GDPD5: variants seen among roughly 807,000 people sequenced by gnomAD.
GDPD5 encodes the protein glycerophosphodiester phosphodiesterase domain containing 5.
A neutral mutation model predicts 75.1 loss-of-function variants in GDPD5; 48 were observed. The ratio of observed to expected loss-of-function variants is 0.64; its 90% CI spans 0.51 to 0.81. The LOEUF is 0.81. GDPD5 is among the 40% of genes least tolerant of loss of function. GDPD5 has a pLI of 0.00. For synonymous variants in GDPD5, 336 were observed against 339.0 expected, an observed-to-expected ratio of 0.99 and a Z score of 0.10; for missense variants, 706 against 822.6, an observed-to-expected ratio of 0.86 and a Z score of 1.73.
chr11:75,454,750 T>C (rs1334981084), intron 6 of GDPD5, among the ~76,000 whole-genome samples: 1 of 152,256 alleles, frequency 6.6e-6, no homozygotes, highest in Admixed American at 6.5e-5. Context: ...GAAATGCATA[T>C]GTACATGTGC....
chr11:75,508,139 T>C (rs1439654744), intron 1 of GDPD5: 4 of 152,234 alleles, frequency 2.6e-5, no homozygotes, highest in Admixed American at 2.6e-4. Context: ...TGGCTTTACA[T>C]GGTCCCAGGG....
chr11:75,444,094 G>T (rs474056), intron 10 of GDPD5, among the ~76,000 whole-genome samples: 1 of 151,968 alleles, frequency 6.6e-6, no homozygotes, highest in Non-Finnish European at 1.5e-5. Context: ...ATTTTAAAAC[G>T]TAACTGGAGT....
chr11:75,520,013 A>G lies in GDPD5; in HGVS notation c.-145+5197T>C, dbSNP rs900277049. Among the ~76,000 whole-genome samples the G allele has an allele frequency of 3.3e-5, 5 of 152,310 alleles. No individual in the cohort carries two copies. The South Asian group carries it at 1.0e-3, about 32-fold the overall frequency. ...GCCTGAGAAGAAAACCCAAGTCCCCAGATATCCCAGTCCTGCTCCCTCCCC... is the reference window on the plus strand; with the variant it reads ...GCCTGAGAAGAAAACCCAAGTCCCCGGATATCCCAGTCCTGCTCCCTCCCC... On this transcript the variant is annotated intron_variant, in intron 1 of 16. Transcript: ENST00000336898.
chr11:75,449,424 G>A (rs1949071164), intron 8 of GDPD5, 93 bp downstream of exon 8: 1 of 1,302,736 alleles, frequency 7.7e-7, no homozygotes, highest in East Asian at 2.5e-5. Context: ...CCATCCCCAG[G>A]CCACCCCCAG....
intron 12 of GDPD5, 113 bp downstream of exon 12, chr11:75,442,250 A>T: frequency 1.3e-6 from 1 of 795,024 alleles, no homozygotes. Flanking sequence ...TGTGATCCCC[A>T]TTTTACAAAT....
intron 15 of GDPD5, chr11:75,439,411 C>T (rs192011086): frequency 8.8e-5 from 40 of 454,126 alleles, no homozygotes; most frequent in Admixed American, 1.7e-4. Flanking sequence ...GAGGGACATG[C>T]GCCGATCAGA....
At chr11:75,480,234 C>G (rs372993058) in intron 2 of GDPD5, among the ~76,000 whole-genome samples, 1 of 151,480 alleles carries the variant, frequency 6.6e-6, no homozygotes, top group Non-Finnish European at 1.5e-5. Flanking sequence ...ACTCGGGAGG[C>G]TGAGGCAAGA....
At chr11:75,441,543 C>CGT (rs34643232) in intron 13 of GDPD5, 103 bp downstream of exon 13, 107,683 of 949,100 alleles carry the variant, frequency 0.11, 1,727 homozygotes, top group East Asian at 0.31. Context: ...TCTGCCCGAC[C>CGT]GTGTGTGTGT....
chr11:75,455,343 C>A (rs1396302469), intron 6 of GDPD5: 3 of 456,200 alleles, frequency 6.6e-6, no homozygotes, highest in Non-Finnish European at 1.3e-5. Flanking sequence ...ATAGTGGAAG[C>A]CCAGAGGAGG....
intron 13 of GDPD5, 87 bp downstream of exon 13, chr11:75,441,559 T>G: frequency 8.0e-7 from 1 of 1,248,718 alleles, no homozygotes; most frequent in Non-Finnish European, 1.1e-6. Context: ...TGTGTGTGTG[T>G]GTGTGTGTGT....
rs528019499 is a variant in GDPD5 at position 75,485,837 on chromosome 11, A to G, written c.-61+4400T>C. The G allele has an allele frequency of 3.3e-5, 5 of 152,362 alleles. No individual in the cohort carries two copies. In the East Asian group the frequency reaches 9.7e-4, roughly 29 times the overall value. The allele number at this position is 152,362 out of a possible 1,614,324, so 9.4% of individuals were successfully genotyped here. On this transcript the variant is annotated intron_variant, in intron 2 of 16. Transcript: ENST00000336898. Reference sequence around the variant, plus strand: ...TCTAGGAACATTGGGGAGGAAAGGAAAAACCCCCAACAGTGCCAGGGCTGG... The same window carrying G: ...TCTAGGAACATTGGGGAGGAAAGGAGAAACCCCCAACAGTGCCAGGGCTGG...
chr11:75,492,465 G>A (rs2135422908), intron 1 of GDPD5: 1 of 152,468 alleles, frequency 6.6e-6, no homozygotes, highest in East Asian at 1.9e-4. Context: ...CCCTGGAGCA[G>A]ATGGCTTAGT....
At chr11:75,496,977 T>A (rs1350528438) in intron 1 of GDPD5, among the ~76,000 whole-genome samples, 1 of 151,948 alleles carries the variant, frequency 6.6e-6, no homozygotes, top group Non-Finnish European at 1.5e-5. Flanking sequence ...GAGACGGGGT[T>A]TTGCCATGTT....
At position 75,449,497 on chromosome 11, in the gene GDPD5, C is replaced by T; in HGVS notation, c.568+20G>A. ...CACCTGCAGGGATTGGAGGGGCAGG[C>T]CCTTCACAGTTCTACTCACAGGTCC... is the stretch of plus-strand genomic sequence containing the variant. On this transcript the variant is annotated intron_variant, in intron 8 of 16. Transcript: ENST00000336898. 6.5e-7 allele frequency: 1 copy of T among 1,547,290 alleles called. No homozygotes were observed. Among genetic ancestry groups the T allele is most frequent in the Non-Finnish European group, 8.8e-7 (1 of 1,141,426 alleles).
intron 3 of GDPD5, among the ~76,000 whole-genome samples, chr11:75,463,159 C>G (rs531719179): frequency 2.6e-5 from 4 of 152,332 alleles, no homozygotes; most frequent in African/African-American, 4.8e-5. Context: ...TGGTCTGCAG[C>G]CTTTCCATCG....
chr11:75,500,018 C>T (rs1167492608), intron 1 of GDPD5, among the ~76,000 whole-genome samples: 1 of 152,170 alleles, frequency 6.6e-6, no homozygotes, highest in Non-Finnish European at 1.5e-5. Context: ...TGGCAGAGGT[C>T]AGGGCAAGAC....
At chr11:75,437,893 G>A (rs1442893274) in intron 15 of GDPD5, 1 of 152,246 alleles carries the variant, frequency 6.6e-6, no homozygotes, top group African/African-American at 2.4e-5. Context: ...TAGGCAGAAG[G>A]ATCACTGGAC....
chr11:75,500,267 TCCCA>T (rs1448404238), intron 1 of GDPD5, among the ~76,000 whole-genome samples: 2 of 152,038 alleles, frequency 1.3e-5, no homozygotes, highest in African/African-American at 4.8e-5. Flanking sequence ...CTGCACCCCT[TCCCA>T]GCTCTCCTCC....
At position 75,471,404 on chromosome 11, in the gene GDPD5, C is replaced by T. The variant is rs548366653; in HGVS notation, c.117+6215G>A. On this transcript the variant is annotated intron_variant, in intron 3 of 16. Transcript: ENST00000336898. ...AGGCTGGATTTATTTTTCTGGACTA[C>T]AGAGAGCTGGGCAATCAGGCCTCTG... is the stretch of plus-strand genomic sequence containing the variant. 2.6e-3 allele frequency among the ~76,000 whole-genome samples: 402 copies of T among 152,340 alleles called. 2 individuals are homozygous for T. Among genetic ancestry groups the T allele is most frequent in the Non-Finnish European group, 4.7e-3 (317 of 68,022 alleles).
Sources: allele counts gnomAD v4.1 joint callset (sites outside exome capture counted in the v4.1 genomes callset), GRCh38; gene constraint gnomAD v4.1.1; transcripts MANE v1.5; gene names NCBI Gene and HGNC (gene_info 2026-07-23, HGNC 2026-07-21).